Variants in LMF1 observed in about 807,000 individuals in gnomAD.
The protein encoded by LMF1 is lipase maturation factor 1, also known as transmembrane protein 112.
In LMF1, 68 loss-of-function variants were observed where a neutral mutation model predicts 60.6. The ratio of observed to expected loss-of-function variants is 1.12; its 90% CI spans 0.92 to 1.37. The LOEUF is 1.37. Among genes scored for constraint, LMF1 ranks in the 40% most tolerant of loss-of-function variants. The probability of loss-of-function intolerance (pLI) is 0.00; values close to 1 mark genes in which losing one functional copy is unlikely to be tolerated. For synonymous variants in LMF1, 418 were observed against 324.7 expected (o/e 1.29, Z -3.09); for missense variants, 948 against 767.2 (o/e 1.24, Z -2.78).
intron 3 of LMF1, chr16:933,772 G>A (rs1316350539): frequency 2.6e-6 from 1 of 379,906 alleles, no homozygotes; most frequent in East Asian, 7.4e-5. Context: ...CTGGGTGGCT[G>A]CCCTCTTCCC....
intron 3 of LMF1, among the ~76,000 whole-genome samples, chr16:914,990 T>C (rs1478838639): frequency 1.3e-5 from 2 of 152,248 alleles, no homozygotes; most frequent in African/African-American, 2.4e-5. Flanking sequence ...CTCTAAGGAC[T>C]CCGGCCTCGC....
chr16:892,981 G>C, intron 5 of LMF1, 26 bp downstream of exon 5: 1 of 1,527,082 alleles, frequency 6.5e-7, no homozygotes, highest in Non-Finnish European at 8.9e-7. Context: ...CGGGTGCCCT[G>C]CCCTCACGCT....
Position 869,365 on chromosome 16 carries a change from G to A in LMF1, c.1417-309C>T, listed in dbSNP as rs74368174. 4,583 of 616,738 alleles carry A rather than the reference G, an allele frequency of 7.4e-3. 162 individuals are homozygous for A. Among genetic ancestry groups the A allele is most frequent in the African/African-American group, 0.073 (4,056 of 55,486 alleles). 38.2% of individuals were successfully genotyped at this position (616,738 alleles called of 1,614,324 possible). On this transcript the variant is annotated intron_variant, in intron 9 of 10. Coordinates refer to ENST00000262301, the MANE Select transcript of LMF1 (RefSeq NM_022773.4). ...GGCTCAGTTTTCTGGTGGCTGAGAC[G>A]GGACCGGGAGGACAGAAACAGCAGC...
chr16:942,921 G>C (rs566608342), intron 2 of LMF1, among the ~76,000 whole-genome samples: 6 of 152,280 alleles, frequency 3.9e-5, no homozygotes, highest in African/African-American at 1.4e-4. Flanking sequence ...TTTTCTGTTT[G>C]TTCTTTAGCT....
chr16:855,723 C>T (rs2069167188), intron 10 of LMF1: 2 of 456,060 alleles, frequency 4.4e-6, no homozygotes, highest in Middle Eastern at 3.3e-4. Context: ...CATAACAGGA[C>T]CCTCTCATGG....
intron 3 of LMF1, among the ~76,000 whole-genome samples, chr16:920,452 T>C (rs1267052922): frequency 3.3e-5 from 5 of 151,590 alleles, no homozygotes; most frequent in Admixed American, 2.6e-4. Context: ...AGAACTAAAA[T>C]CTCCAGAGCA....
chr16:882,818 C>G (rs1387894098), intron 5 of LMF1, among the ~76,000 whole-genome samples: 1 of 149,476 alleles, frequency 6.7e-6, no homozygotes, highest in African/African-American at 2.5e-5. Flanking sequence ...GCGGCAGAGC[C>G]TATCACAGGA....
At chr16:957,508 G>A (rs1015804198) in intron 1 of LMF1, among the ~76,000 whole-genome samples, 2 of 152,194 alleles carry the variant, frequency 1.3e-5, no homozygotes, top group African/African-American at 2.4e-5. Context: ...TCATTAAGGT[G>A]TCAATTTGAT....
At chr16:859,205 T>C (rs1224302914) in intron 10 of LMF1, among the ~76,000 whole-genome samples, 19 of 110,782 alleles carry the variant, frequency 1.7e-4, no homozygotes, top group African/African-American at 8.0e-4. Context: ...GTGTGAGTGG[T>C]GTCTCGGGAC....
intron 3 of LMF1, among the ~76,000 whole-genome samples, chr16:920,563 G>A (rs2071405644): frequency 1.3e-5 from 2 of 152,218 alleles, no homozygotes; most frequent in South Asian, 2.1e-4. Context: ...AGAGATGAGA[G>A]GCTTTTAGAA....
intron 3 of LMF1, among the ~76,000 whole-genome samples, chr16:927,164 C>T (rs986499803): frequency 3.3e-5 from 5 of 152,244 alleles, no homozygotes; most frequent in African/African-American, 1.2e-4. Context: ...AGAAGCTGCT[C>T]AAGAGCCCTT....
chr16:859,298 G>A (rs1250241908), intron 10 of LMF1, among the ~76,000 whole-genome samples: 7 of 70,440 alleles, frequency 9.9e-5, no homozygotes, highest in Admixed American at 1.1e-4. Context: ...GGTGTGAGTG[G>A]TGTCTCGGGA....
At chr16:975,973 C>A (rs1281657723), upstream of LMF1, 3 of 292,142 alleles carry the variant, frequency 1.0e-5, no homozygotes, top group East Asian at 3.1e-4. Context: ...TGTGGACATT[C>A]CGGGCAAGGG....
rs536680388 is a variant in LMF1 at position 918,576 on chromosome 16, C to A, written c.515-7497G>T. ...TGAAAAATGGCTGAAGTGTGCCGAG[C>A]CTCCAAGGGACTCATGAGACCCCAG... On this transcript the variant is annotated intron_variant, in intron 3 of 10. Coordinates refer to ENST00000262301, the MANE Select transcript of LMF1 (RefSeq NM_022773.4). Among the ~76,000 whole-genome samples the A allele has an allele frequency of 1.8e-4, 27 of 152,244 alleles. No individual in the cohort carries two copies. In the Middle Eastern group the frequency reaches 0.01, roughly 58 times the overall value.
chr16:950,820 C>T (rs1344092318), intron 2 of LMF1, among the ~76,000 whole-genome samples: 1 of 127,380 alleles, frequency 7.9e-6, no homozygotes, highest in African/African-American at 3.2e-5. Flanking sequence ...CAGAGTCAGC[C>T]AACGACAGAG....
chr16:919,947 C>T (rs1312102775), intron 3 of LMF1, among the ~76,000 whole-genome samples: 2 of 152,222 alleles, frequency 1.3e-5, no homozygotes, highest in Non-Finnish European at 2.9e-5. Flanking sequence ...TCGGTCAAGA[C>T]TGCCCGGACA....
intron 2 of LMF1, among the ~76,000 whole-genome samples, chr16:937,216 G>A (rs925628207): frequency 2.6e-5 from 4 of 152,180 alleles, no homozygotes; most frequent in African/African-American, 7.2e-5. Flanking sequence ...GTAATGACAC[G>A]AAAAACTAAA....
intron 1 of LMF1, among the ~76,000 whole-genome samples, chr16:957,834 C>G (rs2072739512): frequency 6.6e-6 from 1 of 152,152 alleles, no homozygotes; most frequent in East Asian, 1.9e-4. Context: ...GGTTCAAAGG[C>G]AACTACACAG....
At chr16:871,365 C>A (rs750913362) in intron 6 of LMF1, 24 bp from the exon 7 acceptor site, 3 of 1,609,748 alleles carry the variant, frequency 1.9e-6, no homozygotes, top group Non-Finnish European at 8.5e-7. Context: ...GCAGCTGAGT[C>A]TCGTGCAGGG....
Sources: allele counts gnomAD v4.1 joint callset (sites outside exome capture counted in the v4.1 genomes callset), GRCh38; gene constraint gnomAD v4.1.1; transcripts MANE v1.5; gene names NCBI Gene and HGNC (gene_info 2026-07-23, HGNC 2026-07-21).